SLIT3: variants seen among roughly 807,000 people sequenced by gnomAD.
The protein encoded by SLIT3 is slit guidance ligand 3.
In SLIT3, 68 loss-of-function variants were observed where a neutral mutation model predicts 184.0. The ratio of observed to expected loss-of-function variants is 0.37; its 90% CI spans 0.30 to 0.45. The LOEUF (loss-of-function observed/expected upper bound fraction) is 0.45, where lower values mean the gene tolerates loss of function less well. Among genes scored for constraint, SLIT3 ranks in the 20% least tolerant of loss-of-function variants. The pLI, the probability that SLIT3 is intolerant of heterozygous loss-of-function variation, is 1.00. For missense variants in SLIT3, 1,707 were observed against 2,026.0 expected (o/e 0.84, Z 3.02); for synonymous variants, 831 against 828.6 (o/e 1.00, Z -0.05).
intron 4 of SLIT3, among the ~76,000 whole-genome samples, chr5:169,145,222 T>C (rs1476948036): frequency 1.3e-5 from 2 of 152,142 alleles, no homozygotes; most frequent in East Asian, 1.9e-4. Flanking sequence ...GAGAAACCCA[T>C]TGTTTCTTCA....
chr5:169,207,370 T>TACATACACACAC (rs1262446357), intron 3 of SLIT3, among the ~76,000 whole-genome samples: 22 of 131,932 alleles, frequency 1.7e-4, no homozygotes, highest in African/African-American at 6.1e-4. Flanking sequence ...TACACATACA[T>TACATACACACAC]ACACACACAC....
chr5:168,787,685 C>T (rs1255486530), intron 11 of SLIT3, among the ~76,000 whole-genome samples: 1 of 152,042 alleles, frequency 6.6e-6, no homozygotes, highest in Non-Finnish European at 1.5e-5. Flanking sequence ...GCATGTAGGC[C>T]CCATGAGTGT....
chr5:168,728,988 AAT>A (rs1205506352), intron 20 of SLIT3, among the ~76,000 whole-genome samples: 1 of 152,036 alleles, frequency 6.6e-6, no homozygotes, highest in Non-Finnish European at 1.5e-5. Flanking sequence ...AATTGAAGGA[AAT>A]ACAAAATACA....
intron 4 of SLIT3, among the ~76,000 whole-genome samples, chr5:169,114,855 T>C (rs1168951821): frequency 6.6e-6 from 1 of 152,242 alleles, no homozygotes; most frequent in Non-Finnish European, 1.5e-5. Context: ...AGCCGTGGGC[T>C]GTTGGCACCC....
intron 4 of SLIT3, among the ~76,000 whole-genome samples, chr5:169,183,936 T>G (rs1033633335): frequency 1.3e-5 from 2 of 152,176 alleles, no homozygotes; most frequent in African/African-American, 2.4e-5. Context: ...TAAAAAAAAT[T>G]TAAAAACAAT....
At chr5:169,261,808 T>C (rs1234757774) in intron 1 of SLIT3, among the ~76,000 whole-genome samples, 1 of 152,142 alleles carries the variant, frequency 6.6e-6, no homozygotes, top group African/African-American at 2.4e-5. Context: ...AAAAAGGTGG[T>C]CGGATGTCAC....
chr5:168,875,040 A>G (rs560213483), intron 5 of SLIT3, among the ~76,000 whole-genome samples: 4 of 148,186 alleles, frequency 2.7e-5, no homozygotes, highest in South Asian at 4.2e-4. Context: ...AATGGAATAA[A>G]AAGGAAGAGT....
intron 20 of SLIT3, among the ~76,000 whole-genome samples, chr5:168,725,253 C>G (rs1420744735): frequency 6.6e-6 from 1 of 152,148 alleles, no homozygotes; most frequent in Non-Finnish European, 1.5e-5. Context: ...ACCTGCTCAC[C>G]TAGGATGAGG....
At chr5:168,744,987 A>G (rs1763755075) in intron 20 of SLIT3, among the ~76,000 whole-genome samples, 1 of 152,246 alleles carries the variant, frequency 6.6e-6, no homozygotes, top group South Asian at 2.1e-4. Flanking sequence ...GGATTTGGGC[A>G]AAGTAAACTG....
chr5:169,213,321 TAAA>T (rs1764331523), intron 3 of SLIT3, among the ~76,000 whole-genome samples: 1 of 151,852 alleles, frequency 6.6e-6, no homozygotes, highest in East Asian at 1.9e-4. Context: ...AGGACACAAA[TAAA>T]AGAAAAAAAC....
intron 4 of SLIT3, among the ~76,000 whole-genome samples, chr5:169,187,551 C>T (rs1363697494): frequency 1.3e-5 from 1 of 77,430 alleles, no homozygotes. Flanking sequence ...CTTTTTCTTT[C>T]TTTCTTTCTT....
In SLIT3 at chr5:169,079,501, AGGAGGAGGAAGGAGGAGAG is replaced by A. The variant is rs1417990763; in HGVS notation, c.413+113959_413+113977del. On this transcript the variant is annotated intron_variant, in intron 4 of 35. Transcript: ENST00000519560. ...AGGGTGGGGGAGGAGGGGGGGAGGGAGGAGGAGGAAGGAGGAGAGGGAGGAGGAAGGAGGAGGAGGAAGA... is the reference window on the plus strand; with the variant it reads ...AGGGTGGGGGAGGAGGGGGGGAGGGAGGAGGAGGAAGGAGGAGGAGGAAGA... Among the ~76,000 whole-genome samples, 9 of 58,698 alleles carry A rather than the reference AGGAGGAGGAAGGAGGAGAG, an allele frequency of 1.5e-4. No individual in the cohort carries two copies. The East Asian group carries it at 4.6e-3, about 30-fold the overall frequency. The allele number at this position is 58,698 out of a possible 152,430, so 38.5% of individuals were successfully genotyped here. A position where few individuals can be genotyped will look rare whatever the true frequency, so the allele number is the denominator to read the frequency against.
chr5:169,116,556 G>T (rs1760671449), intron 4 of SLIT3, among the ~76,000 whole-genome samples: 1 of 152,216 alleles, frequency 6.6e-6, no homozygotes, highest in Admixed American at 6.5e-5. Context: ...AGGACATTAT[G>T]AAAGCTATGC....
chr5:168,814,636 C>A (rs958855525), intron 8 of SLIT3, among the ~76,000 whole-genome samples: 2 of 152,216 alleles, frequency 1.3e-5, no homozygotes, highest in Non-Finnish European at 2.9e-5. Flanking sequence ...AACCTTCCTC[C>A]ACATTGCTTC....
At chr5:168,813,676 A>G (rs967721794) in intron 8 of SLIT3, among the ~76,000 whole-genome samples, 2 of 152,236 alleles carry the variant, frequency 1.3e-5, no homozygotes, top group South Asian at 4.1e-4. Flanking sequence ...GTGCACTGCT[A>G]GCAAATTTCT....
intron 4 of SLIT3, among the ~76,000 whole-genome samples, chr5:168,927,425 G>C (rs1761865677): frequency 1.3e-5 from 2 of 152,124 alleles, no homozygotes; most frequent in Admixed American, 1.3e-4. Context: ...GATGAAAAGG[G>C]TTCTGAAGAT....
intron 3 of SLIT3, among the ~76,000 whole-genome samples, chr5:169,204,317 A>G (rs1763994333): frequency 6.6e-6 from 1 of 152,184 alleles, no homozygotes; most frequent in South Asian, 2.1e-4. Context: ...GCTTGGTCCA[A>G]AGATGGGCAT....
intron 4 of SLIT3, among the ~76,000 whole-genome samples, chr5:168,954,473 C>T (rs1238053299): frequency 6.6e-6 from 1 of 152,174 alleles, no homozygotes; most frequent in Non-Finnish European, 1.5e-5. Context: ...TTACTCCTAA[C>T]ACCTGTCAGA....
At chr5:168,852,557 G>A (rs1031187456) in intron 5 of SLIT3, among the ~76,000 whole-genome samples, 4 of 152,226 alleles carry the variant, frequency 2.6e-5, no homozygotes, top group African/African-American at 7.2e-5. Flanking sequence ...ATCCTGGGGA[G>A]TGCTCCCTGA....
Sources: gnomAD v4.1 joint callset for allele counts (sites outside exome capture counted in the v4.1 genomes callset) on GRCh38, gnomAD v4.1.1 for gene constraint, MANE v1.5 for transcripts, NCBI Gene and HGNC (gene_info 2026-07-23, HGNC 2026-07-21) for gene names.